SCARA3: variants seen among roughly 807,000 people sequenced by gnomAD.
The protein encoded by SCARA3 is cellular stress response gene protein.
SCARA3 carries 39 observed loss-of-function variants against 47.0 expected under a neutral mutation model. The ratio of observed to expected loss-of-function variants is 0.83; its 90% confidence interval spans 0.64 to 1.08. The LOEUF (loss-of-function observed/expected upper bound fraction) is 1.08. Ranked by LOEUF, SCARA3 falls within the 50% of genes least tolerant of loss-of-function variation. The pLI is 0.00. For synonymous variants in SCARA3, 356 were observed against 334.1 expected, an observed-to-expected ratio of 1.07 and a Z score of -0.71; for missense variants, 724 against 792.3, an observed-to-expected ratio of 0.91 and a Z score of 1.04.
At chr8:27,696,251 C>G in the SCARA3 span, among the ~76,000 whole-genome samples, 1 of 152,102 alleles carries the variant, frequency 6.6e-6, no homozygotes, top group African/African-American at 2.4e-5. Context: ...CTCAAGCAAT[C>G]CTCCCACCTT....
chr8:27,668,546 C>CAAAAAAAAAAAAAAAAAAAAA (rs61162841), intron 5 of SCARA3, among the ~76,000 whole-genome samples: 6 of 69,800 alleles, frequency 8.6e-5, no homozygotes, highest in East Asian at 8.5e-4. Context: ...GACTCCGTCT[C>CAAAAAAAAAAAAAAAAAAAAA]AAAAAAAAAA....
At chr8:27,688,210 C>A in the SCARA3 span, among the ~76,000 whole-genome samples, 1 of 152,122 alleles carries the variant, frequency 6.6e-6, no homozygotes, top group Non-Finnish European at 1.5e-5. Flanking sequence ...ATTCTGTAAC[C>A]AGTCTGTCCC....
chr8:27,713,730 T>C, the SCARA3 span, among the ~76,000 whole-genome samples: 2 of 152,210 alleles, frequency 1.3e-5, no homozygotes. Flanking sequence ...TCTTGTACTT[T>C]GCCTGCCCCA....
chr8:27,676,672 T>A, downstream of SCARA3: 2 of 890,230 alleles, frequency 2.2e-6, no homozygotes, highest in South Asian at 2.7e-5. Flanking sequence ...CTATCCTTAA[T>A]GGTAAGCATC....
intron 5 of SCARA3, among the ~76,000 whole-genome samples, chr8:27,659,772 C>T (rs566543424): frequency 7.1e-6 from 1 of 140,006 alleles, no homozygotes; most frequent in South Asian, 2.5e-4. Flanking sequence ...ATCACTTGAG[C>T]CCAGGAGTTC....
chr8:27,681,549 A>C (rs1397465734), downstream of SCARA3, among the ~76,000 whole-genome samples: 3 of 151,894 alleles, frequency 2.0e-5, no homozygotes, highest in Non-Finnish European at 2.9e-5. Flanking sequence ...CAGAAGCGAG[A>C]CTTCATCTCT....
At chr8:27,639,359 A>G (rs894242737) in intron 1 of SCARA3, among the ~76,000 whole-genome samples, 1 of 152,178 alleles carries the variant, frequency 6.6e-6, no homozygotes, top group African/African-American at 2.4e-5. Context: ...GGGAGATTGG[A>G]TGGGAATCCC....
rs201004914 is a variant in SCARA3, at chr8:27,656,876, C to A, written c.321C>A (p.Gly107=). The change falls in exon 4 of 6, where the codon GGC becomes GGA. Residue 107 remains glycine (G), a synonymous_variant. Coordinates refer to ENST00000301904, the MANE Select transcript of SCARA3 (RefSeq NM_016240.3). ...KLVLMQKNLQ[G]LDPKALNNCS... is the part of the protein sequence containing the mutation. ...TGTTAATGCAGAAAAATCTCCAGGG[C>A]CTGGGTAAGTAGATGGGCTGATGAC... is the stretch of plus-strand genomic sequence containing the variant. The A allele has an allele frequency of 1.3e-6, 2 of 1,593,380 alleles. No homozygotes were observed. The highest frequency in any genetic ancestry group is 4.5e-5 in the East Asian group (2 of 44,792).
the SCARA3 span, among the ~76,000 whole-genome samples, chr8:27,710,808 G>A: frequency 2.2e-4 from 33 of 152,046 alleles, no homozygotes; most frequent in Admixed American, 1.1e-3. Context: ...TGGGTTGTGC[G>A]GATGGTATTT....
the SCARA3 span, among the ~76,000 whole-genome samples, chr8:27,681,893 T>C: frequency 6.6e-6 from 1 of 152,230 alleles, no homozygotes; most frequent in Non-Finnish European, 1.5e-5. Context: ...CATGTATTGT[T>C]TTGATTTTTG....
At chr8:27,684,124 AT>A in the SCARA3 span, among the ~76,000 whole-genome samples, 1 of 152,204 alleles carries the variant, frequency 6.6e-6, no homozygotes, top group Non-Finnish European at 1.5e-5. Context: ...CAGGTGGGTG[AT>A]TTAGACAGGT....
At chr8:27,731,142 C>A in the SCARA3 span, among the ~76,000 whole-genome samples, 1 of 150,336 alleles carries the variant, frequency 6.7e-6, no homozygotes, top group Non-Finnish European at 1.5e-5. Flanking sequence ...CCCTGTCCCC[C>A]AGGCTGGAGT....
the SCARA3 span, among the ~76,000 whole-genome samples, chr8:27,683,365 C>A: frequency 6.6e-6 from 1 of 152,162 alleles, no homozygotes; most frequent in African/African-American, 2.4e-5. Flanking sequence ...GGTGGTTACA[C>A]ACACAGGTGT....
chr8:27,709,177 C>T, the SCARA3 span, among the ~76,000 whole-genome samples: 41 of 152,318 alleles, frequency 2.7e-4, no homozygotes, highest in East Asian at 7.7e-4. Context: ...ATCAGGCAGG[C>T]GCATTCTCCA....
chr8:27,658,452 C>A (rs2128920557), intron 4 of SCARA3, 44 bp from the exon 5 acceptor site: 1 of 1,511,734 alleles, frequency 6.6e-7, no homozygotes, highest in Non-Finnish European at 8.9e-7. Context: ...AGCGTCGTAC[C>A]CTGGCCCTTC....
In SCARA3 at chr8:27,672,589, CT is replaced by C; in HGVS notation, c.*1241del. 1 of 985,670 alleles carries C rather than the reference CT, an allele frequency of 1.0e-6. No homozygotes were observed. Among genetic ancestry groups the C allele is most frequent in the Non-Finnish European group, 1.2e-6 (1 of 830,112 alleles). 61.1% of individuals were successfully genotyped at this position (985,670 alleles called of 1,614,324 possible). On this transcript the variant is annotated 3_prime_UTR_variant, in exon 6 of 6. Coordinates refer to ENST00000301904, the MANE Select transcript of SCARA3 (RefSeq NM_016240.3). ...CGGGACCCACAATGGCCCGAGCCCT[CT>C]TTGCATGGGCAGCCAGCTGGACTAG...
chr8:27,667,652 G>A (rs1461779734), intron 5 of SCARA3, among the ~76,000 whole-genome samples: 1 of 152,080 alleles, frequency 6.6e-6, no homozygotes, highest in Non-Finnish European at 1.5e-5. Context: ...CTGGGACATA[G>A]CAGACACTCG....
chr8:27,688,924 A>T, the SCARA3 span, among the ~76,000 whole-genome samples: 10 of 152,272 alleles, frequency 6.6e-5, no homozygotes, highest in African/African-American at 2.4e-4. Context: ...CTGTACATAC[A>T]TGCGTATGTT....
the SCARA3 span, among the ~76,000 whole-genome samples, chr8:27,728,121 T>C: frequency 6.6e-6 from 1 of 152,246 alleles, no homozygotes; most frequent in Non-Finnish European, 1.5e-5. Flanking sequence ...TTGCCTCATT[T>C]AGCAAGTGGT....
Sources: allele counts gnomAD v4.1 joint callset (sites outside exome capture counted in the v4.1 genomes callset), GRCh38; gene constraint gnomAD v4.1.1; transcripts MANE v1.5; gene names NCBI Gene and HGNC (gene_info 2026-07-23, HGNC 2026-07-21).